Variants in ITGBL1 observed in about 807,000 individuals in gnomAD.
ITGBL1 encodes integrin beta-like protein 1.
ITGBL1 carries 51 observed loss-of-function variants against 68.5 expected under a neutral mutation model. That is an observed-to-expected ratio of 0.74 (90% CI 0.59 to 0.94). The LOEUF (loss-of-function observed/expected upper bound fraction) is 0.94, where lower values mean the gene tolerates loss of function less well. ITGBL1 is among the 40% of genes least tolerant of loss of function. The pLI is 0.00. For missense variants in ITGBL1, 649 were observed against 647.4 expected (o/e 1.00, Z -0.03); for synonymous variants, 209 against 227.3 (o/e 0.92, Z 0.72).
At chr13:101,702,720 A>G (rs567882194) in intron 8 of ITGBL1, among the ~76,000 whole-genome samples, 1 of 152,314 alleles carries the variant, frequency 6.6e-6, no homozygotes, top group South Asian at 2.1e-4. Flanking sequence ...AGAAGTTCAT[A>G]GCCCAATTGA....
intron 3 of ITGBL1, among the ~76,000 whole-genome samples, chr13:101,568,580 G>T (rs1208217874): frequency 6.6e-6 from 1 of 152,060 alleles, no homozygotes; most frequent in Non-Finnish European, 1.5e-5. Flanking sequence ...TACACCAGAG[G>T]TTCTGTTTCA....
intron 2 of ITGBL1, among the ~76,000 whole-genome samples, chr13:101,508,899 T>C (rs11842655): frequency 3.0e-4 from 46 of 152,214 alleles, no homozygotes; most frequent in African/African-American, 1.1e-3. Flanking sequence ...TTCTCTCCTT[T>C]CCCAAACTTG....
At chr13:101,509,425 A>G (rs1396016494) in intron 2 of ITGBL1, among the ~76,000 whole-genome samples, 1 of 152,164 alleles carries the variant, frequency 6.6e-6, no homozygotes, top group African/African-American at 2.4e-5. Context: ...ACCAGCATTA[A>G]GCAACTCTGA....
Position 101,664,571 on chromosome 13 carries a change from T to C in ITGBL1, c.1016-28014T>C, listed in dbSNP as rs141398830. ...GTTTAAATGCAGTTGGGATATATAA[T>C]TGATCCAGGATCAATTTATTGAAAA... On this transcript the variant is annotated intron_variant, in intron 7 of 10. Coordinates refer to ENST00000376180, the MANE Select transcript of ITGBL1 (RefSeq NM_004791.3). Among the ~76,000 whole-genome samples the C allele has an allele frequency of 1.8e-3, 281 of 152,336 alleles. 1 individual carries two copies. Among genetic ancestry groups the C allele is most frequent in the Non-Finnish European group, 3.6e-3 (243 of 68,018 alleles).
At chr13:101,510,475 A>G (rs1057195416) in intron 2 of ITGBL1, among the ~76,000 whole-genome samples, 5 of 151,814 alleles carry the variant, frequency 3.3e-5, no homozygotes, top group African/African-American at 1.2e-4. Flanking sequence ...GAACATCTGA[A>G]TGCAATATAA....
At chr13:101,716,729 A>C (rs1241460782), downstream of ITGBL1, 7 of 151,912 alleles carry the variant, frequency 4.6e-5, no homozygotes, top group Non-Finnish European at 1.0e-4. Flanking sequence ...GGGTCATGCA[A>C]AGAAGTCAAG....
chr13:101,606,355 C>T (rs890760664), intron 7 of ITGBL1, among the ~76,000 whole-genome samples: 1 of 150,990 alleles, frequency 6.6e-6, no homozygotes, highest in Non-Finnish European at 1.5e-5. Context: ...ATTTCTATAC[C>T]ATATTGGCTG....
intron 2 of ITGBL1, among the ~76,000 whole-genome samples, chr13:101,552,096 C>G (rs2049930699): frequency 6.6e-6 from 1 of 152,184 alleles, no homozygotes; most frequent in African/African-American, 2.4e-5. Flanking sequence ...GCTGTGCATA[C>G]TGGCCACTCT....
At chr13:101,658,412 AT>A (rs1372223472) in intron 7 of ITGBL1, among the ~76,000 whole-genome samples, 1 of 152,134 alleles carries the variant, frequency 6.6e-6, no homozygotes, top group Non-Finnish European at 1.5e-5. Flanking sequence ...TTAATAAGGA[AT>A]TTTCTGCCTT....
At chr13:101,483,672 A>T (rs1221844656) in intron 2 of ITGBL1, among the ~76,000 whole-genome samples, 4 of 152,212 alleles carry the variant, frequency 2.6e-5, no homozygotes, top group African/African-American at 7.2e-5. Flanking sequence ...ATGTTTGTAA[A>T]ATAACATTTA....
At chr13:101,467,763 A>G (rs1352110986) in intron 2 of ITGBL1, among the ~76,000 whole-genome samples, 10 of 152,196 alleles carry the variant, frequency 6.6e-5, no homozygotes, top group Non-Finnish European at 1.5e-4. Context: ...TATCGTTGTA[A>G]TTGTTTGTAC....
intron 7 of ITGBL1, among the ~76,000 whole-genome samples, chr13:101,627,408 C>T (rs987968214): frequency 2.0e-5 from 3 of 152,080 alleles, no homozygotes; most frequent in Non-Finnish European, 4.4e-5. Flanking sequence ...ATCCCCCACC[C>T]CACCACAGTA....
rs115603519 is a variant in ITGBL1, at chr13:101,602,410, C to T, written c.1015+4111C>T. ...TATCAAAATAAGAAATGCAATTTCA[C>T]TTCCCACATGAGAATAACAAAGTTA... On this transcript the variant is annotated intron_variant, in intron 7 of 10. Coordinates refer to ENST00000376180, the MANE Select transcript of ITGBL1 (RefSeq NM_004791.3). Among the ~76,000 whole-genome samples, 399 of 152,106 alleles carry T rather than the reference C, an allele frequency of 2.6e-3. 1 individual carries two copies. The highest frequency in any genetic ancestry group is 9.2e-3 in the African/African-American group (381 of 41,544).
At chr13:101,600,647 AG>A (rs1406014400) in intron 7 of ITGBL1, among the ~76,000 whole-genome samples, 2 of 152,114 alleles carry the variant, frequency 1.3e-5, no homozygotes, top group African/African-American at 2.4e-5. Flanking sequence ...TTTAGCATGA[AG>A]GGTTGTTGAA....
At chr13:101,705,996 G>A (rs963211837) in intron 8 of ITGBL1, among the ~76,000 whole-genome samples, 3 of 152,162 alleles carry the variant, frequency 2.0e-5, no homozygotes, top group East Asian at 1.9e-4. Context: ...AGGGTCGAGC[G>A]GAAACTGAAA....
chr13:101,454,096 T>C lies in ITGBL1; in HGVS notation c.312T>C (p.Cys104=), dbSNP rs774035234. The C allele has an allele frequency of 8.3e-6, 13 of 1,561,632 alleles. No homozygotes were observed. In the African/African-American group the frequency reaches 1.8e-4, roughly 21 times the overall value. The change falls in exon 2 of 11, where the codon TGT becomes TGC. Residue 104 remains cysteine (C), a synonymous_variant. Transcript: ENST00000376180. ...GCGAGACCTACGACGGGAGCACCTG[T>C]GCAGGTAAGAGGGCGGCGCTGTCTC... is the stretch of plus-strand genomic sequence containing the variant. ...WVCETYDGST[C]AGHGKCDCGK...
intron 2 of ITGBL1, among the ~76,000 whole-genome samples, chr13:101,489,575 T>C (rs866263866): frequency 3.3e-5 from 5 of 152,298 alleles, no homozygotes; most frequent in Middle Eastern, 3.4e-3. Context: ...ATATCAGATA[T>C]ATGGTTAGAA....
intron 2 of ITGBL1, among the ~76,000 whole-genome samples, chr13:101,460,936 C>T (rs1186160784): frequency 1.3e-5 from 2 of 152,140 alleles, no homozygotes; most frequent in Non-Finnish European, 2.9e-5. Context: ...ATTCCACCTA[C>T]AAGATTGGGG....
At chr13:101,610,515 TAATC>T (rs1218609608) in intron 7 of ITGBL1, among the ~76,000 whole-genome samples, 1 of 152,202 alleles carries the variant, frequency 6.6e-6, no homozygotes, top group African/African-American at 2.4e-5. Context: ...TTGCTTATCA[TAATC>T]AATCTAATAT....
Sources: gnomAD v4.1 joint callset for allele counts (sites outside exome capture counted in the v4.1 genomes callset) on GRCh38, gnomAD v4.1.1 for gene constraint, MANE v1.5 for transcripts, NCBI Gene and HGNC (gene_info 2026-07-23, HGNC 2026-07-21) for gene names.